SLC44A5: variants seen among roughly 807,000 people sequenced by gnomAD.
SLC44A5 encodes the protein choline transporter-like protein 5.
A neutral mutation model predicts 101.8 loss-of-function variants in SLC44A5; 57 were observed. That is an observed-to-expected ratio of 0.56 (90% confidence interval 0.45 to 0.70). SLC44A5 has a LOEUF of 0.70. SLC44A5 is among the 30% of genes least tolerant of loss of function. SLC44A5 has a pLI of 0.00. For synonymous variants in SLC44A5, 281 were observed against 290.9 expected, an observed-to-expected ratio of 0.97 and a Z score of 0.35; for missense variants, 737 against 853.1, an observed-to-expected ratio of 0.86 and a Z score of 1.70.
chr1:75,511,535 A>G (rs186563857), intron 2 of SLC44A5, among the ~76,000 whole-genome samples: 2 of 152,332 alleles, frequency 1.3e-5, no homozygotes, highest in East Asian at 3.9e-4. Context: ...AGTATTTCTT[A>G]TTTAAAAAAT....
chr1:75,624,498 G>A, the SLC44A5 span, among the ~76,000 whole-genome samples: 7 of 151,962 alleles, frequency 4.6e-5, no homozygotes, highest in Admixed American at 4.6e-4. Context: ...TTACACTAGA[G>A]GGGCTCTTCT....
rs1419686854 is a variant in SLC44A5, at chr1:75,378,972, G to C, written c.52+17611C>G. On this transcript the variant is annotated intron_variant, in intron 3 of 23. Coordinates refer to ENST00000370859, the MANE Select transcript of SLC44A5 (RefSeq NM_001130058.2). ...CTTAATCCTATGGCACCACCTAGTA[G>C]ACAGGGTAGTGAATTACATGAAATT... 4.9e-5 allele frequency among the ~76,000 whole-genome samples: 4 copies of C among 80,826 alleles called. 2 individuals carry two copies. Among genetic ancestry groups the C allele is most frequent in the Non-Finnish European group, 8.4e-5 (4 of 47,626 alleles). 53.0% of individuals were successfully genotyped at this position (80,826 alleles called of 152,430 possible). A position where few individuals can be genotyped will look rare whatever the true frequency, so the allele number is the denominator to read the frequency against.
chr1:75,353,755 C>T (rs1348225136), intron 3 of SLC44A5, among the ~76,000 whole-genome samples: 2 of 152,182 alleles, frequency 1.3e-5, no homozygotes, highest in Admixed American at 1.3e-4. Flanking sequence ...AACTTACTTT[C>T]TGCAGAGAGA....
chr1:75,379,184 C>A (rs1660805883), intron 3 of SLC44A5, among the ~76,000 whole-genome samples: 1 of 72,108 alleles, frequency 1.4e-5, no homozygotes, highest in South Asian at 4.4e-4. Flanking sequence ...ACCCAACTCT[C>A]CTTATATGAG....
the SLC44A5 span, among the ~76,000 whole-genome samples, chr1:75,721,240 T>C: frequency 6.6e-6 from 1 of 152,224 alleles, no homozygotes; most frequent in African/African-American, 2.4e-5. Flanking sequence ...TCCATTCAGA[T>C]AGTTGGGGGG....
intron 5 of SLC44A5, among the ~76,000 whole-genome samples, chr1:75,294,981 G>GT (rs1653852764): frequency 6.6e-6 from 1 of 152,058 alleles, no homozygotes; most frequent in African/African-American, 2.4e-5. Context: ...AGTTAATGAT[G>GT]TATTTTATTC....
the SLC44A5 span, among the ~76,000 whole-genome samples, chr1:75,683,324 T>C: frequency 2.0e-5 from 3 of 152,150 alleles, no homozygotes; most frequent in East Asian, 1.9e-4. Flanking sequence ...TATTGCGGCA[T>C]TATTCACAAT....
chr1:75,472,109 C>T (rs1667145513), intron 2 of SLC44A5, among the ~76,000 whole-genome samples: 2 of 150,176 alleles, frequency 1.3e-5, no homozygotes, highest in African/African-American at 4.9e-5. Context: ...ACTACTGGGG[C>T]CTGGGTGTTT....
At chr1:75,422,655 G>A (rs536155937) in intron 2 of SLC44A5, among the ~76,000 whole-genome samples, 93 of 152,312 alleles carry the variant, frequency 6.1e-4, no homozygotes, top group African/African-American at 2.2e-3. Flanking sequence ...GGAATGTGCA[G>A]CAAGTTTTAC....
the SLC44A5 span, among the ~76,000 whole-genome samples, chr1:75,639,702 G>A: frequency 6.6e-6 from 1 of 152,234 alleles, no homozygotes; most frequent in Admixed American, 6.5e-5. Flanking sequence ...GTTCACAGTT[G>A]CAGTTGAATT....
At chr1:75,495,462 C>T (rs1668623401) in intron 2 of SLC44A5, among the ~76,000 whole-genome samples, 1 of 151,514 alleles carries the variant, frequency 6.6e-6, no homozygotes, top group African/African-American at 2.4e-5. Context: ...CTCAAAAAAA[C>T]AAAGAAACAA....
intron 2 of SLC44A5, among the ~76,000 whole-genome samples, chr1:75,420,317 T>C (rs775821146): frequency 3.3e-5 from 5 of 151,928 alleles, no homozygotes; most frequent in Non-Finnish European, 5.9e-5. Context: ...TAAAACAAAG[T>C]ATAGCTATTA....
chr1:75,545,041 C>T (rs1278685308), intron 1 of SLC44A5, among the ~76,000 whole-genome samples: 3 of 152,124 alleles, frequency 2.0e-5, no homozygotes, highest in East Asian at 1.9e-4. Context: ...TGGTGTGTGA[C>T]GTTCCCCTCC....
intron 5 of SLC44A5, among the ~76,000 whole-genome samples, chr1:75,286,617 T>A (rs554894318): frequency 2.0e-5 from 3 of 152,280 alleles, no homozygotes; most frequent in Admixed American, 1.3e-4. Flanking sequence ...ATTTTGAGGA[T>A]TCGTTTCAAG....
intron 1 of SLC44A5, among the ~76,000 whole-genome samples, chr1:75,561,974 G>T (rs1315362010): frequency 6.6e-6 from 1 of 151,226 alleles, no homozygotes; most frequent in African/African-American, 2.5e-5. Context: ...AGGAGGTAAA[G>T]GAGAAGAAAA....
chr1:75,617,112 A>C, the SLC44A5 span, among the ~76,000 whole-genome samples: 1 of 152,142 alleles, frequency 6.6e-6, no homozygotes, highest in Non-Finnish European at 1.5e-5. Context: ...GAAACGCTTA[A>C]AGGGTAGGGT....
At chr1:75,505,083 T>C (rs1669173854) in intron 2 of SLC44A5, among the ~76,000 whole-genome samples, 1 of 152,110 alleles carries the variant, frequency 6.6e-6, no homozygotes, top group Non-Finnish European at 1.5e-5. Flanking sequence ...TCAGTGAGAA[T>C]CACAATATTT....
At position 75,218,518 on chromosome 1, in the gene SLC44A5, G is replaced by A. The variant is rs755639803; in HGVS notation, c.1501C>T (p.Leu501Phe). The A allele has an allele frequency of 6.2e-7, 1 of 1,613,734 alleles. No homozygotes were observed. The highest frequency in any genetic ancestry group is 8.5e-7 in the Non-Finnish European group (1 of 1,179,688). Residue 501 changes from leucine (L) to phenylalanine (F), a missense_variant, in exon 17 of 24, where the codon CTT (leucine) becomes TTT (phenylalanine). Physicochemically the swap from Leu to Phe is conservative, Grantham distance 22. Coordinates refer to ENST00000370859, the MANE Select transcript of SLC44A5 (RefSeq NM_001130058.2). ...KKPDDIPRYP[L>F]FTAFGRAIRY... ...ATGGCTCGTCCAAATGCAGTAAAAAGTGGATATCGTGGGATGTCATCAGGT... is the reference window on the plus strand; with the variant it reads ...ATGGCTCGTCCAAATGCAGTAAAAAATGGATATCGTGGGATGTCATCAGGT...
intron 1 of SLC44A5, among the ~76,000 whole-genome samples, chr1:75,543,065 A>G (rs1226519556): frequency 6.6e-6 from 1 of 152,192 alleles, no homozygotes; most frequent in Non-Finnish European, 1.5e-5. Flanking sequence ...GAGGAATTCC[A>G]TGTTTAATAA....
Sources: gnomAD v4.1 joint callset for allele counts (sites outside exome capture counted in the v4.1 genomes callset) on GRCh38, gnomAD v4.1.1 for gene constraint, MANE v1.5 for transcripts, NCBI Gene and HGNC (gene_info 2026-07-23, HGNC 2026-07-21) for gene names.